The following MYO3B variants were observed in gnomAD, a reference collection of about 807,000 sequenced individuals.
MYO3B encodes the protein myosin-IIIb.
MYO3B carries 156 observed loss-of-function variants against 174.6 expected under a neutral mutation model. The ratio of observed to expected loss-of-function variants is 0.89; its 90% CI spans 0.78 to 1.02. The LOEUF (loss-of-function observed/expected upper bound fraction) is 1.02. MYO3B is among the 50% of genes least tolerant of loss of function. The pLI, the probability that MYO3B is intolerant of heterozygous loss-of-function variation, is 0.00. For synonymous variants in MYO3B, 563 were observed against 569.1 expected, an observed-to-expected ratio of 0.99 and a Z score of 0.15; for missense variants, 1,632 against 1,639.4, an observed-to-expected ratio of 1.00 and a Z score of 0.08.
intron 32 of MYO3B, among the ~76,000 whole-genome samples, chr2:170,576,432 G>A (rs1379948496): frequency 1.3e-5 from 2 of 152,202 alleles, no homozygotes; most frequent in Non-Finnish European, 2.9e-5. Context: ...GGTGACCGTG[G>A]TAGGAACAAG....
intron 30 of MYO3B, among the ~76,000 whole-genome samples, chr2:170,539,628 T>TTA (rs1559097093): frequency 1.2e-4 from 18 of 151,694 alleles, no homozygotes; most frequent in African/African-American, 4.4e-4. Context: ...TATTTATTTT[T>TTA]TTTTTTTTGA....
At chr2:170,479,082 A>C (rs1211427437) in intron 25 of MYO3B, among the ~76,000 whole-genome samples, 1 of 150,264 alleles carries the variant, frequency 6.7e-6, no homozygotes, top group Non-Finnish European at 1.5e-5. Context: ...TCAGGAGTTC[A>C]AGACTAGCCT....
intron 8 of MYO3B, among the ~76,000 whole-genome samples, chr2:170,343,021 C>T (rs544330832): frequency 2.1e-5 from 3 of 142,984 alleles, no homozygotes; most frequent in East Asian, 2.1e-4. Context: ...TTCCACAGTT[C>T]GGGCCTCTAA....
chr2:170,354,738 G>C (rs913387171), intron 8 of MYO3B, among the ~76,000 whole-genome samples: 3 of 152,124 alleles, frequency 2.0e-5, no homozygotes, highest in Admixed American at 2.0e-4. Context: ...GGTTGCCTGA[G>C]TTCCTTTCAG....
At chr2:170,433,971 G>A (rs1003545957) in intron 22 of MYO3B, among the ~76,000 whole-genome samples, 4 of 152,132 alleles carry the variant, frequency 2.6e-5, no homozygotes, top group Non-Finnish European at 4.4e-5. Flanking sequence ...TGATATTAAC[G>A]TGAAAGCTGT....
At chr2:170,607,341 G>A (rs188513611) in intron 32 of MYO3B, among the ~76,000 whole-genome samples, 3 of 152,270 alleles carry the variant, frequency 2.0e-5, no homozygotes, top group East Asian at 1.9e-4. Context: ...GGTTTCTTTC[G>A]CATTTGTGCT....
chr2:170,607,222 A>G (rs1694869172), intron 32 of MYO3B, among the ~76,000 whole-genome samples: 1 of 152,234 alleles, frequency 6.6e-6, no homozygotes, highest in South Asian at 2.1e-4. Flanking sequence ...AAAAGGTACA[A>G]ACTAATAAAG....
At chr2:170,651,835 C>T in intron 33 of MYO3B, 101 bp downstream of exon 33, 5 of 930,786 alleles carry the variant, frequency 5.4e-6, no homozygotes, top group Non-Finnish European at 6.9e-6. Flanking sequence ...CACCCCCACC[C>T]TCATGCTCTC....
chr2:170,482,601 T>C (rs756628182), intron 25 of MYO3B, among the ~76,000 whole-genome samples: 8 of 152,384 alleles, frequency 5.2e-5, no homozygotes, highest in Non-Finnish European at 1.0e-4. Context: ...GTCTCAGGTA[T>C]GTCTTTATCA....
intron 6 of MYO3B, among the ~76,000 whole-genome samples, chr2:170,228,960 CA>C (rs539746576): frequency 0.1 from 10,325 of 98,438 alleles, 341 homozygotes; most frequent in African/African-American, 0.2. Flanking sequence ...ATTCCCTTTA[CA>C]AAAAAAAAAA....
chr2:170,645,571 T>C (rs1575331828), intron 32 of MYO3B, among the ~76,000 whole-genome samples: 1 of 152,074 alleles, frequency 6.6e-6, no homozygotes, highest in East Asian at 1.9e-4. Context: ...ATAACCATAC[T>C]GTTTTATATC....
At chr2:170,398,467 A>C (rs1160986432) in intron 16 of MYO3B, among the ~76,000 whole-genome samples, 1 of 152,066 alleles carries the variant, frequency 6.6e-6, no homozygotes, top group African/African-American at 2.4e-5. Flanking sequence ...TGATTAACTC[A>C]ATGTCTAATC....
At chr2:170,572,323 G>A (rs1692489335) in intron 32 of MYO3B, among the ~76,000 whole-genome samples, 1 of 151,998 alleles carries the variant, frequency 6.6e-6, no homozygotes, top group Non-Finnish European at 1.5e-5. Flanking sequence ...AGCTACTCAG[G>A]AGGCTGAGGC....
chr2:170,424,457 G>C (rs2094644995), intron 22 of MYO3B, among the ~76,000 whole-genome samples: 1 of 151,956 alleles, frequency 6.6e-6, no homozygotes, highest in South Asian at 2.1e-4. Flanking sequence ...TCTCTACCAA[G>C]AATATAAAAA....
chr2:170,606,934 C>G (rs757988581), intron 32 of MYO3B, among the ~76,000 whole-genome samples: 1 of 152,078 alleles, frequency 6.6e-6, no homozygotes, highest in Non-Finnish European at 1.5e-5. Flanking sequence ...GGAGGAGAAT[C>G]GCTTGAACCC....
intron 21 of MYO3B, among the ~76,000 whole-genome samples, chr2:170,405,836 G>A (rs1488166355): frequency 6.6e-6 from 1 of 152,154 alleles, no homozygotes; most frequent in African/African-American, 2.4e-5. Flanking sequence ...TTCTCACTGG[G>A]GTGGCCCACA....
intron 32 of MYO3B, among the ~76,000 whole-genome samples, chr2:170,642,692 T>A (rs1485867067): frequency 1.3e-5 from 2 of 152,116 alleles, no homozygotes; most frequent in South Asian, 2.1e-4. Flanking sequence ...GGACCTAAGC[T>A]CCTTGAGCCT....
At chr2:170,481,595 A>T (rs1395794007) in intron 25 of MYO3B, among the ~76,000 whole-genome samples, 2 of 152,220 alleles carry the variant, frequency 1.3e-5, no homozygotes, top group Non-Finnish European at 2.9e-5. Context: ...AAAAATTTTT[A>T]AAAAGTAAAG....
chr2:170,184,490 T>C (rs4668214), intron 1 of MYO3B, among the ~76,000 whole-genome samples: 65,157 of 151,972 alleles, frequency 0.43, 15,195 homozygotes, highest in East Asian at 0.56. Context: ...ACCTCCAGTT[T>C]CATCCATGTT....
Sources: allele counts gnomAD v4.1 joint callset (sites outside exome capture counted in the v4.1 genomes callset), GRCh38; gene constraint gnomAD v4.1.1; transcripts MANE v1.5; gene names NCBI Gene and HGNC (gene_info 2026-07-23, HGNC 2026-07-21).